Variants in HEXB observed in about 807,000 individuals in gnomAD.
HEXB encodes beta-hexosaminidase subunit beta.
Under a neutral mutation model 71.2 loss-of-function variants are expected in HEXB, and 51 were observed. That is an observed-to-expected ratio of 0.72 (90% confidence interval 0.57 to 0.90). The LOEUF (loss-of-function observed/expected upper bound fraction) is 0.90, where lower values mean the gene tolerates loss of function less well. HEXB is among the 40% of genes least tolerant of loss of function. The pLI, the probability that HEXB is intolerant of heterozygous loss-of-function variation, is 0.00. For missense variants in HEXB, 617 were observed against 677.0 expected (o/e 0.91, Z 0.98); for synonymous variants, 266 against 249.3 (o/e 1.07, Z -0.63).
At chr5:74,695,977 G>A (rs1049072774) in intron 3 of HEXB, among the ~76,000 whole-genome samples, 1 of 151,970 alleles carries the variant, frequency 6.6e-6, no homozygotes, top group African/African-American at 2.4e-5. Context: ...TGAACGTAAT[G>A]TCACTTAACA....
intron 1 of HEXB, among the ~76,000 whole-genome samples, chr5:74,667,979 G>C (rs987532014): frequency 2.6e-5 from 4 of 152,102 alleles, no homozygotes; most frequent in African/African-American, 9.7e-5. Flanking sequence ...TGTCCACAAG[G>C]AGTAAGACTG....
chr5:74,713,354 TTTAAATGAGTCATCTAATATCACATG>T lies in HEXB; in HGVS notation c.772-151_772-126del, dbSNP rs1187718022. 6.9e-6 allele frequency: 5 copies of T among 726,776 alleles called. No individual in the cohort carries two copies. In the East Asian group the frequency reaches 1.1e-4, roughly 16 times the overall value. 45.0% of individuals were successfully genotyped at this position (726,776 alleles called of 1,614,324 possible). On this transcript the variant is annotated intron_variant, in intron 6 of 13. Transcript: ENST00000261416. ...CCTGAAACTATGGCACTATATTATT[TTTAAATGAGTCATCTAATATCACATG>T]AAACTAATACATTGTCATAGTGAAA...
intron 6 of HEXB, among the ~76,000 whole-genome samples, chr5:74,711,708 G>T (rs1035149821): frequency 1.7e-4 from 26 of 152,042 alleles, no homozygotes; most frequent in African/African-American, 5.3e-4. Flanking sequence ...GGCCGTCAGA[G>T]AAATGCAAAT....
At chr5:74,703,324 C>A (rs760962227) in intron 5 of HEXB, among the ~76,000 whole-genome samples, 1 of 152,204 alleles carries the variant, frequency 6.6e-6, no homozygotes, top group South Asian at 2.1e-4. Flanking sequence ...CTCTTACATC[C>A]CTTGCAGGTT....
At chr5:74,690,213 A>G (rs1212838644) in intron 2 of HEXB, among the ~76,000 whole-genome samples, 1 of 152,188 alleles carries the variant, frequency 6.6e-6, no homozygotes, top group Non-Finnish European at 1.5e-5. Flanking sequence ...AAATTGTTTT[A>G]GAACAAATAA....
At position 74,721,214 on chromosome 5, in the gene HEXB, A is replaced by C. The variant is rs978674550; in HGVS notation, c.*39A>C. ...AAAAGGCCACAGCAATCTGTACTAC[A>C]ATCAACTTTATTTTGAAATCATGTA... On this transcript the variant is annotated 3_prime_UTR_variant, in exon 14 of 14. Coordinates refer to ENST00000261416, the MANE Select transcript of HEXB (RefSeq NM_000521.4). 4 of 1,431,402 alleles carry C rather than the reference A, an allele frequency of 2.8e-6. No homozygotes were observed. Among genetic ancestry groups the C allele is most frequent in the Non-Finnish European group, 3.9e-6 (4 of 1,013,770 alleles). The allele number at this position is 1,431,402 out of a possible 1,614,324, so 88.7% of individuals were successfully genotyped here. A position where few individuals can be genotyped will look rare whatever the true frequency, so the allele number is the denominator to read the frequency against.
chr5:74,695,534 A>T (rs935750497), intron 3 of HEXB, among the ~76,000 whole-genome samples: 1 of 150,178 alleles, frequency 6.7e-6, no homozygotes, highest in Admixed American at 6.6e-5. Context: ...GTTCTGATCC[A>T]TACCAAAATA....
intron 1 of HEXB, among the ~76,000 whole-genome samples, chr5:74,672,963 C>A (rs1748566274): frequency 6.6e-6 from 1 of 152,144 alleles, no homozygotes; most frequent in East Asian, 1.9e-4. Flanking sequence ...GGCATCAGAG[C>A]AGCCTTTGGT....
At position 74,715,507 on chromosome 5, in the gene HEXB, TA is replaced by T; in HGVS notation, c.902-2del. 6.3e-7 allele frequency: 1 copy of T among 1,596,410 alleles called. No homozygotes were observed. Among genetic ancestry groups the T allele is most frequent in the Non-Finnish European group, 8.6e-7 (1 of 1,164,020 alleles). On this transcript the variant is annotated splice_acceptor_variant, in intron 7 of 13. Coordinates refer to ENST00000261416, the MANE Select transcript of HEXB (RefSeq NM_000521.4). LOFTEE classifies it high-confidence loss of function. ...TAAAAAGAATCTTAATATTTTCTTCTAGGTCAGAAAGACCTCCTGACTCCAT... is the reference window on the plus strand; with the variant it reads ...TAAAAAGAATCTTAATATTTTCTTCTGGTCAGAAAGACCTCCTGACTCCAT...
Position 74,718,282 on chromosome 5 carries a change from TA to T in HEXB, c.1170-7del. 6.4e-7 allele frequency: 1 copy of T among 1,551,470 alleles called. No homozygotes were observed. The highest frequency in any genetic ancestry group is 8.9e-7 in the Non-Finnish European group (1 of 1,123,028). On this transcript the variant is annotated splice_polypyrimidine_tract_variant and splice_region_variant and intron_variant, in intron 9 of 13. Transcript: ENST00000261416. ...ATCTAAAATAACTATAATTTTTTTG[TA>T]ATACTAGGGTTTTGGATATTATTGC...
chr5:74,691,652 C>T (rs1297925056), intron 2 of HEXB, among the ~76,000 whole-genome samples: 4 of 152,150 alleles, frequency 2.6e-5, no homozygotes, highest in South Asian at 4.1e-4. Context: ...TTTCTCCTTC[C>T]GTGTACATCT....
rs2112171699 is a variant in HEXB, at chr5:74,713,526, T to G, written c.792T>G (p.His264Gln). The change falls in exon 7 of 14, where the codon CAT becomes CAG. Residue 264 changes from histidine (H) to glutamine (Q), a missense_variant. By Grantham distance (24) the His-to-Gln change is conservative. Coordinates refer to ENST00000261416, the MANE Select transcript of HEXB (RefSeq NM_000521.4). ...TACAGGGAAGCTATTCTTTGTCTCA[T>G]GTTTATACACCAAATGATGTCCGTA... ...LSNKGSYSLSHVYTPNDVRMV... is the reference protein window; with the variant it reads ...LSNKGSYSLSQVYTPNDVRMV... 6.2e-7 allele frequency: 1 copy of G among 1,611,664 alleles called. No homozygotes were observed. Among genetic ancestry groups the G allele is most frequent in the South Asian group, 1.1e-5 (1 of 91,038 alleles).
chr5:74,650,110 T>C (rs1205021151), intron 1 of HEXB, among the ~76,000 whole-genome samples: 3 of 152,218 alleles, frequency 2.0e-5, no homozygotes, highest in Admixed American at 2.0e-4. Flanking sequence ...AAACCCACGA[T>C]GCACAGATTC....
At chr5:74,679,038 G>A (rs867266276) in intron 1 of HEXB, among the ~76,000 whole-genome samples, 1 of 152,168 alleles carries the variant, frequency 6.6e-6, no homozygotes, top group African/African-American at 2.4e-5. Flanking sequence ...CGTTTTTGGG[G>A]GAAAAATTGG....
chr5:74,673,470 G>A (rs1044533732), intron 1 of HEXB, among the ~76,000 whole-genome samples: 1 of 152,186 alleles, frequency 6.6e-6, no homozygotes, highest in Admixed American at 6.5e-5. Flanking sequence ...CCAGGTCCTA[G>A]GCTGTCCACC....
At chr5:74,716,549 C>A in intron 8 of HEXB, 38 bp from the exon 9 acceptor site, 1 of 1,301,888 alleles carries the variant, frequency 7.7e-7, no homozygotes, top group Non-Finnish European at 1.1e-6. Context: ...CTGAGCATAT[C>A]AAACTTCTAA....
intron 6 of HEXB, among the ~76,000 whole-genome samples, chr5:74,708,503 A>G (rs1749459344): frequency 6.6e-6 from 1 of 151,582 alleles, no homozygotes; most frequent in Admixed American, 6.6e-5. Context: ...GGCAAATTGG[A>G]TAAAGAGTCA....
At position 74,689,346 on chromosome 5, in the gene HEXB, T is replaced by C. The variant is rs1171848505; in HGVS notation, c.318T>C (p.Phe106=). Residue 106 remains phenylalanine, a synonymous_variant, in exon 2 of 14, where the codon TTT becomes TTC. Transcript: ENST00000261416. ...EAFRRYHGYI[F]GFYKWHHEPA... is the part of the protein sequence containing the mutation. Reference sequence around the variant, plus strand: ...CAAACAGATATCATGGCTATATTTTTGGTTTCTACAAGTGGCATCATGAAC... The same window carrying C: ...CAAACAGATATCATGGCTATATTTTCGGTTTCTACAAGTGGCATCATGAAC... 2 of 1,613,250 alleles carry C rather than the reference T, an allele frequency of 1.2e-6. No individual in the cohort carries two copies. Among genetic ancestry groups the C allele is most frequent in the Non-Finnish European group, 1.7e-6 (2 of 1,179,266 alleles).
chr5:74,646,453 C>T (rs1748002753), intron 1 of HEXB, among the ~76,000 whole-genome samples: 1 of 152,148 alleles, frequency 6.6e-6, no homozygotes, highest in South Asian at 2.1e-4. Context: ...GCTTTTGCAA[C>T]AAAAGCTCAG....
Sources: gnomAD v4.1 joint callset for allele counts (sites outside exome capture counted in the v4.1 genomes callset) on GRCh38, gnomAD v4.1.1 for gene constraint, MANE v1.5 for transcripts, NCBI Gene and HGNC (gene_info 2026-07-23, HGNC 2026-07-21) for gene names.